RELCH: variants seen among roughly 807,000 people sequenced by gnomAD.
RELCH encodes RAB11-binding protein RELCH.
In RELCH, 41 loss-of-function variants were observed where a neutral mutation model predicts 150.3. The ratio of observed to expected loss-of-function variants is 0.27; its 90% CI spans 0.21 to 0.35. The LOEUF (loss-of-function observed/expected upper bound fraction) is 0.35. Ranked by LOEUF, RELCH falls within the 10% of genes least tolerant of loss-of-function variation. The probability of loss-of-function intolerance (pLI) is 1.00; values close to 1 mark genes in which losing one functional copy is unlikely to be tolerated. For missense variants in RELCH, 1,092 were observed against 1,467.8 expected (o/e 0.74, Z 4.18); for synonymous variants, 478 against 531.8 (o/e 0.90, Z 1.39).
intron 10 of RELCH, among the ~76,000 whole-genome samples, chr18:62,234,457 A>G (rs1366296985): frequency 6.6e-6 from 1 of 151,840 alleles, no homozygotes; most frequent in African/African-American, 2.4e-5. Context: ...CTGTGATTGA[A>G]GGATTAATAT....
chr18:62,208,170 T>C (rs1291952436), intron 1 of RELCH, among the ~76,000 whole-genome samples: 3 of 152,200 alleles, frequency 2.0e-5, no homozygotes, highest in Non-Finnish European at 4.4e-5. Context: ...TCTCCTTCAT[T>C]CATTGGCCAT....
In RELCH at chr18:62,273,082, A is replaced by G. The variant is rs1468247790; in HGVS notation, c.2761-898A>G. On this transcript the variant is annotated intron_variant, in intron 20 of 28. Coordinates refer to ENST00000644646, the MANE Select transcript of RELCH (RefSeq NM_001346231.2). ...GGTAATCCAGTCTTCCTCATGATCT[A>G]TTGATACATTCAGAAGCTATTTACT... 3.3e-5 allele frequency among the ~76,000 whole-genome samples: 5 copies of G among 150,734 alleles called. No homozygotes were observed. In the East Asian group the frequency reaches 7.7e-4, roughly 23 times the overall value.
intron 25 of RELCH, among the ~76,000 whole-genome samples, chr18:62,283,232 A>G (rs1024998147): frequency 2.6e-5 from 4 of 152,162 alleles, no homozygotes; most frequent in African/African-American, 4.8e-5. Flanking sequence ...TTTAATTCAT[A>G]GCTTGTTGAT....
chr18:62,244,782 T>C lies in RELCH; in HGVS notation c.1639T>C (p.Leu547=). 6.2e-7 allele frequency: 1 copy of C among 1,611,912 alleles called. No homozygotes were observed. ...TCTTTAGGAGTTGATCCCCCTCATA[T>C]TGTGTACAGCATGTCTACATCCTGA... ...AKREELIPLI[L]CTACLHPEPK... is the part of the protein sequence containing the mutation. Residue 547 remains leucine (L), a synonymous_variant, in exon 11 of 29, where the codon TTG becomes CTG. Coordinates refer to ENST00000644646, the MANE Select transcript of RELCH (RefSeq NM_001346231.2).
chr18:62,206,233 A>G (rs2039771412), intron 1 of RELCH, among the ~76,000 whole-genome samples: 1 of 152,166 alleles, frequency 6.6e-6, no homozygotes, highest in Admixed American at 6.5e-5. Flanking sequence ...TATTTTTAGT[A>G]GAGATGGGTT....
chr18:62,273,364 G>A (rs963160181), intron 20 of RELCH, among the ~76,000 whole-genome samples: 1 of 151,978 alleles, frequency 6.6e-6, no homozygotes, highest in Admixed American at 6.6e-5. Context: ...AAAGAACACA[G>A]TAGTCTATAT....
At chr18:62,303,891 G>A (rs1273622116) in intron 28 of RELCH, among the ~76,000 whole-genome samples, 3 of 152,172 alleles carry the variant, frequency 2.0e-5, no homozygotes, top group African/African-American at 7.2e-5. Context: ...AAGTTAATCT[G>A]GTAATTAAAG....
At chr18:62,294,380 T>C (rs2045303146) in intron 27 of RELCH, among the ~76,000 whole-genome samples, 1 of 152,240 alleles carries the variant, frequency 6.6e-6, no homozygotes, top group Admixed American at 6.5e-5. Context: ...TGTTAAACTT[T>C]CTAATTTAGT....
At chr18:62,211,346 C>T (rs959483461) in intron 2 of RELCH, 104 bp downstream of exon 2, 16 of 611,156 alleles carry the variant, frequency 2.6e-5, no homozygotes, top group Admixed American at 5.7e-5. Context: ...GTGACTATAA[C>T]ATATATAGTT....
intron 5 of RELCH, 58 bp from the exon 6 acceptor site, chr18:62,227,231 C>T: frequency 3.3e-6 from 4 of 1,201,660 alleles, no homozygotes; most frequent in Non-Finnish European, 4.7e-6. Context: ...ATATGAATTT[C>T]AAAAATGTAA....
chr18:62,252,887 A>G, intron 12 of RELCH, 133 bp downstream of exon 12: 1 of 670,222 alleles, frequency 1.5e-6, no homozygotes, highest in Non-Finnish European at 2.6e-6. Context: ...AGCCCAGCAC[A>G]GTGATTTATT....
intron 8 of RELCH, among the ~76,000 whole-genome samples, chr18:62,229,485 G>GGTGTGTGTGTGTGTGTGTGTGTGT (rs58842870): frequency 6.3e-5 from 9 of 143,430 alleles, no homozygotes; most frequent in African/African-American, 2.3e-4. Flanking sequence ...GTATAGTAGG[G>GGTGTGTGTGTGTGTGTGTGTGTGT]GTGTGTGTGT....
Position 62,187,537 on chromosome 18 carries a change from G to A in RELCH, c.32G>A (p.Ser11Asn), listed in dbSNP as rs367903884. Residue 11 changes from serine to asparagine, a missense_variant, in exon 1 of 29, where the codon AGT (serine) becomes AAT (asparagine). Transcript: ENST00000644646. ...GCGATGGCGCCTGGAGGTAGTGGCA[G>A]TGGTGGCGGCGTGAATCCATTTCTC... MAAMAPGGSGSGGGVNPFLSD... is the reference protein window; with the variant it reads MAAMAPGGSGNGGGVNPFLSD... 54 of 1,515,162 alleles carry A rather than the reference G, an allele frequency of 3.6e-5. No individual in the cohort carries two copies. In the African/African-American group the frequency reaches 7.4e-4, roughly 21 times the overall value. The allele number at this position is 1,515,162 out of a possible 1,614,324, so 93.9% of individuals were successfully genotyped here.
At chr18:62,236,936 A>G (rs2041908436) in intron 10 of RELCH, among the ~76,000 whole-genome samples, 1 of 151,756 alleles carries the variant, frequency 6.6e-6, no homozygotes, top group Non-Finnish European at 1.5e-5. Flanking sequence ...ATTTATAGCT[A>G]TAAATTTCCC....
At chr18:62,193,998 C>A (rs1044858984) in intron 1 of RELCH, among the ~76,000 whole-genome samples, 1 of 149,792 alleles carries the variant, frequency 6.7e-6, no homozygotes, top group Non-Finnish European at 1.5e-5. Flanking sequence ...GTAATCCCAG[C>A]ACTTTGGGAG....
At chr18:62,277,790 A>G in intron 22 of RELCH, 1 of 817,118 alleles carries the variant, frequency 1.2e-6, no homozygotes, top group Non-Finnish European at 1.5e-6. Flanking sequence ...TAGCAAATTA[A>G]TAAAATTATT....
intron 9 of RELCH, 51 bp from the exon 10 acceptor site, chr18:62,232,281 A>G: frequency 1.7e-6 from 2 of 1,180,210 alleles, no homozygotes; most frequent in Non-Finnish European, 1.3e-6. Context: ...CCATATTATT[A>G]TGCACAGAAG....
At chr18:62,239,302 T>A (rs902816498) in intron 10 of RELCH, among the ~76,000 whole-genome samples, 7 of 152,028 alleles carry the variant, frequency 4.6e-5, no homozygotes, top group Non-Finnish European at 1.0e-4. Context: ...AGCCCTTGAA[T>A]TGTAAAACTT....
chr18:62,270,770 T>G (rs2043851917), intron 20 of RELCH, among the ~76,000 whole-genome samples: 1 of 152,094 alleles, frequency 6.6e-6, no homozygotes. Flanking sequence ...CATTAGGTAT[T>G]TCTCCTAAAG....
Sources: gnomAD v4.1 joint callset for allele counts (sites outside exome capture counted in the v4.1 genomes callset) on GRCh38, gnomAD v4.1.1 for gene constraint, MANE v1.5 for transcripts, NCBI Gene and HGNC (gene_info 2026-07-23, HGNC 2026-07-21) for gene names.